The following AKAP13 variants were observed in gnomAD, a reference collection of about 807,000 sequenced individuals.
AKAP13 encodes A-kinase anchoring protein 13.
In AKAP13, 80 loss-of-function variants were observed where a neutral mutation model predicts 264.5. The observed-to-expected ratio is 0.30, with a 90% CI of 0.25 to 0.36. The LOEUF (loss-of-function observed/expected upper bound fraction) is 0.36. Among genes scored for constraint, AKAP13 ranks in the 10% least tolerant of loss-of-function variants. The pLI, the probability that AKAP13 is intolerant of heterozygous loss-of-function variation, is 1.00. For synonymous variants in AKAP13, 1,380 were observed against 1,250.2 expected (o/e 1.10, Z -2.19); for missense variants, 3,712 against 3,435.2 (o/e 1.08, Z -2.01).
At chr15:85,663,313 A>AC (rs2151544349) in intron 12 of AKAP13, among the ~76,000 whole-genome samples, 1 of 151,732 alleles carries the variant, frequency 6.6e-6, no homozygotes, top group African/African-American at 2.4e-5. Context: ...CTGTCTCAAA[A>AC]AAAAAAAAAA....
At chr15:85,554,244 A>T (rs898622081) in intron 5 of AKAP13, among the ~76,000 whole-genome samples, 4 of 152,196 alleles carry the variant, frequency 2.6e-5, no homozygotes, top group Non-Finnish European at 4.4e-5. Flanking sequence ...CATCTACAAA[A>T]TAGGGAAAAA....
At chr15:85,650,336 C>T (rs554788172) in intron 10 of AKAP13, among the ~76,000 whole-genome samples, 18 of 152,076 alleles carry the variant, frequency 1.2e-4, no homozygotes, top group Admixed American at 2.6e-4. Flanking sequence ...GAGGCAGAGG[C>T]GAGAGGATCA....
Position 85,719,063 on chromosome 15 carries a change from T to G in AKAP13, c.6002-13T>G. 1 of 1,612,910 alleles carries G rather than the reference T, an allele frequency of 6.2e-7. No homozygotes were observed. Among genetic ancestry groups the G allele is most frequent in the South Asian group, 1.1e-5 (1 of 90,982 alleles). On this transcript the variant is annotated splice_polypyrimidine_tract_variant and intron_variant, in intron 22 of 36. Transcript: ENST00000394518. Reference sequence around the variant, plus strand: ...AGAGTGTTCCTGACACTTGATCTTTTTCCTCCTTTTAGAGTTGATGCAGAC... The same window carrying G: ...AGAGTGTTCCTGACACTTGATCTTTGTCCTCCTTTTAGAGTTGATGCAGAC...
At chr15:85,448,177 A>C (rs1473690228) in intron 1 of AKAP13, among the ~76,000 whole-genome samples, 1 of 151,926 alleles carries the variant, frequency 6.6e-6, no homozygotes, top group Non-Finnish European at 1.5e-5. Flanking sequence ...TCTTCTTTTG[A>C]GAAGTGTATG....
chr15:85,625,101 G>GT (rs2081352163), intron 8 of AKAP13, among the ~76,000 whole-genome samples: 2 of 152,198 alleles, frequency 1.3e-5, no homozygotes. Flanking sequence ...CAAAATGTAT[G>GT]TTTTGGTGAC....
chr15:85,465,194 C>T (rs867558730), intron 1 of AKAP13, among the ~76,000 whole-genome samples: 8 of 151,450 alleles, frequency 5.3e-5, no homozygotes, highest in African/African-American at 2.4e-5. Flanking sequence ...CCTTGTGATC[C>T]GCCTGCCTCA....
Position 85,581,625 on chromosome 15 carries a change from T to C in AKAP13, c.3557T>C (p.Val1186Ala), listed in dbSNP as rs1365544940. The change falls in exon 7 of 37, where the codon GTC (valine) becomes GCC (alanine). Residue 1186 changes from valine to alanine, a missense_variant. Val to Ala is a moderately conservative substitution (Grantham distance 64). This residue lies in a region of AKAP13 where 2,759 missense variants were observed against 2,411.7 expected (regional missense o/e 1.14). Transcript: ENST00000394518. Reference sequence around the variant, plus strand: ...CAAATAGACGATGAAGCACATCCTGTCCTACTGCAGCCTGTTGCCAAGGAG... The same window carrying C: ...CAAATAGACGATGAAGCACATCCTGCCCTACTGCAGCCTGTTGCCAAGGAG... ...EAQIDDEAHPVLLQPVAKELP... is the reference protein window; with the variant it reads ...EAQIDDEAHPALLQPVAKELP... 6.2e-7 allele frequency: 1 copy of C among 1,614,132 alleles called. No individual in the cohort carries two copies. Among genetic ancestry groups the C allele is most frequent in the South Asian group, 1.1e-5 (1 of 91,082 alleles).
At position 85,726,424 on chromosome 15, in the gene AKAP13, C is replaced by G; in HGVS notation, c.6760C>G (p.Leu2254Val). 1 of 1,613,668 alleles carries G rather than the reference C, an allele frequency of 6.2e-7. No homozygotes were observed. The highest frequency in any genetic ancestry group is 8.5e-7 in the Non-Finnish European group (1 of 1,179,696). ...AGRLKEVQAVLLTDILVFLQE... is the reference protein window; with the variant it reads ...AGRLKEVQAVVLTDILVFLQE... Reference sequence around the variant, plus strand: ...CCATTTTCCAGAGGTTCAAGCAGTTCTTCTCACTGACATTTTAGTTTTCCT... The same window carrying G: ...CCATTTTCCAGAGGTTCAAGCAGTTGTTCTCACTGACATTTTAGTTTTCCT... Residue 2254 changes from leucine (L) to valine (V), a missense_variant, in exon 27 of 37, where the codon CTT becomes GTT. By Grantham distance (32) the Leu-to-Val change is conservative (BLOSUM62 1). Coordinates refer to ENST00000394518, the MANE Select transcript of AKAP13 (RefSeq NM_007200.5).
At chr15:85,422,151 A>G (rs866031722) in intron 1 of AKAP13, among the ~76,000 whole-genome samples, 55 of 152,194 alleles carry the variant, frequency 3.6e-4, no homozygotes, top group African/African-American at 1.2e-3. Context: ...GGTCCTGGGT[A>G]TGTACGTATT....
At chr15:85,645,425 G>T (rs1308939836) in intron 9 of AKAP13, among the ~76,000 whole-genome samples, 2 of 152,150 alleles carry the variant, frequency 1.3e-5, no homozygotes, top group Non-Finnish European at 1.5e-5. Context: ...TCACATAGTT[G>T]CTAGTAAAAG....
intron 11 of AKAP13, among the ~76,000 whole-genome samples, chr15:85,657,162 GTAGTAA>G (rs2151523517): frequency 1.6e-5 from 1 of 63,470 alleles, no homozygotes; most frequent in Non-Finnish European, 3.0e-5. Context: ...AATAATAATA[GTAGTAA>G]TAATAATAAT....
At chr15:85,648,766 G>C (rs866189265) in intron 10 of AKAP13, among the ~76,000 whole-genome samples, 67 of 152,258 alleles carry the variant, frequency 4.4e-4, no homozygotes, top group African/African-American at 3.9e-4. Context: ...TTAAGTGTAG[G>C]AGGTTAACGC....
At chr15:85,678,319 A>G (rs2084368781) in intron 14 of AKAP13, among the ~76,000 whole-genome samples, 1 of 152,238 alleles carries the variant, frequency 6.6e-6, no homozygotes, top group African/African-American at 2.4e-5. Flanking sequence ...TTTCAGCAAT[A>G]TTAAGTGTTT....
chr15:85,431,987 G>T (rs892982518), intron 1 of AKAP13, among the ~76,000 whole-genome samples: 1 of 152,136 alleles, frequency 6.6e-6, no homozygotes, highest in Admixed American at 6.5e-5. Context: ...TTTGGTGTAT[G>T]AAAAAGATGC....
chr15:85,732,501 C>G (rs1204947300), intron 30 of AKAP13, among the ~76,000 whole-genome samples: 1 of 149,396 alleles, frequency 6.7e-6, no homozygotes, highest in Non-Finnish European at 1.5e-5. Context: ...AATTTAAATA[C>G]CTATTGAACA....
rs752762941 is a variant in AKAP13 at position 85,581,583 on chromosome 15, G to A, written c.3515G>A (p.Gly1172Asp). 1.9e-6 allele frequency: 3 copies of A among 1,614,062 alleles called. No individual in the cohort carries two copies. Among genetic ancestry groups the A allele is most frequent in the African/African-American group, 1.3e-5 (1 of 74,904 alleles). The change falls in exon 7 of 37, where the codon GGT becomes GAT. Residue 1172 changes from glycine to aspartate, a missense_variant. Around this residue, in one of 3 missense-constraint regions of AKAP13, gnomAD observed 2,759 missense variants for 2,411.7 expected, o/e 1.14. Transcript: ENST00000394518. Reference sequence around the variant, plus strand: ...GGAGCAGACCACAGCTGTACCATGGGTGACGCTGAGGAAGCCCAAATAGAC... The same window carrying A: ...GGAGCAGACCACAGCTGTACCATGGATGACGCTGAGGAAGCCCAAATAGAC... ...LEGADHSCTM[G>D]DAEEAQIDDE...
At chr15:85,623,599 C>T (rs952924759) in intron 8 of AKAP13, among the ~76,000 whole-genome samples, 2 of 152,216 alleles carry the variant, frequency 1.3e-5, no homozygotes, top group African/African-American at 4.8e-5. Flanking sequence ...AGGCTGGGTA[C>T]GCTAGTGTCA....
chr15:85,468,163 T>C (rs2074822500), intron 1 of AKAP13, among the ~76,000 whole-genome samples: 1 of 152,214 alleles, frequency 6.6e-6, no homozygotes, highest in African/African-American at 2.4e-5. Flanking sequence ...CTATGAAGAC[T>C]TATTAAGGCT....
chr15:85,693,968 A>G (rs569912116), intron 17 of AKAP13, among the ~76,000 whole-genome samples: 2 of 152,194 alleles, frequency 1.3e-5, no homozygotes, highest in South Asian at 2.1e-4. Flanking sequence ...AGTATTTTCA[A>G]TTTACCATGG....
Sources: allele counts gnomAD v4.1 joint callset (sites outside exome capture counted in the v4.1 genomes callset), GRCh38; gene constraint gnomAD v4.1.1; regional missense constraint gnomAD v4.1.1; transcripts MANE v1.5; gene names NCBI Gene and HGNC (gene_info 2026-07-23, HGNC 2026-07-21).